LCP1: variants seen among roughly 807,000 people sequenced by gnomAD.
LCP1 encodes plastin-2.
LCP1 carries 23 observed loss-of-function variants against 72.0 expected under a neutral mutation model. That is an observed-to-expected ratio of 0.32 (90% CI 0.23 to 0.45). The LOEUF (loss-of-function observed/expected upper bound fraction) is 0.45. LCP1 is among the 20% of genes least tolerant of loss of function. The pLI is 1.00. For synonymous variants in LCP1, 245 were observed against 275.4 expected, an observed-to-expected ratio of 0.89 and a Z score of 1.09; for missense variants, 571 against 748.3, an observed-to-expected ratio of 0.76 and a Z score of 2.76.
At chr13:46,176,596 G>C (rs1461733043) in intron 1 of LCP1, among the ~76,000 whole-genome samples, 1 of 152,132 alleles carries the variant, frequency 6.6e-6, no homozygotes, top group Non-Finnish European at 1.5e-5. Context: ...ATAAATTTTA[G>C]TGACTACTAC....
chr13:46,173,016 T>A (rs2045912043), intron 1 of LCP1, among the ~76,000 whole-genome samples: 1 of 152,182 alleles, frequency 6.6e-6, no homozygotes, highest in Non-Finnish European at 1.5e-5. Flanking sequence ...GAACCTAAAG[T>A]TTTATTTAAA....
At chr13:46,153,935 G>T (rs2045785130) in intron 6 of LCP1, among the ~76,000 whole-genome samples, 1 of 152,114 alleles carries the variant, frequency 6.6e-6, no homozygotes. Flanking sequence ...GACTCTGTAT[G>T]TACTATTCTT....
chr13:46,176,207 T>G (rs2045929552), intron 1 of LCP1, among the ~76,000 whole-genome samples: 1 of 152,190 alleles, frequency 6.6e-6, no homozygotes, highest in Admixed American at 6.5e-5. Flanking sequence ...GGCGATTGAA[T>G]GTTTCCAGCA....
chr13:46,127,841 G>T, intron 15 of LCP1, 118 bp from the exon 16 acceptor site: 1 of 1,188,282 alleles, frequency 8.4e-7, no homozygotes, highest in Non-Finnish European at 1.2e-6. Context: ...TCCTGCAGTG[G>T]CTGGAGTCAG....
Position 46,130,935 on chromosome 13 carries a change from G to A in LCP1, c.1630C>T (p.Pro544Ser), listed in dbSNP as rs17067725. 5 of 1,597,358 alleles carry A rather than the reference G, an allele frequency of 3.1e-6. No homozygotes were observed. Among genetic ancestry groups the A allele is most frequent in the African/African-American group, 1.4e-5 (1 of 73,840 alleles). ...KSSSISSFKD[P>S]KISTSLPVLD... Reference sequence around the variant, plus strand: ...ACAGGCAGACTTGTACTAATCTTCGGGTCCTATGCAGAGACACAGGGAGGG... The same window carrying A: ...ACAGGCAGACTTGTACTAATCTTCGAGTCCTATGCAGAGACACAGGGAGGG... The change falls in exon 15 of 16, where the codon CCG becomes TCG. Residue 544 changes from proline (P) to serine (S), a missense_variant. By Grantham distance (74) the Pro-to-Ser change is moderately conservative. Coordinates refer to ENST00000323076, the MANE Select transcript of LCP1 (RefSeq NM_002298.5).
At chr13:46,148,625 C>T (rs762948769) in intron 8 of LCP1, among the ~76,000 whole-genome samples, 178 bp from the exon 9 acceptor site, 2 of 152,118 alleles carry the variant, frequency 1.3e-5, no homozygotes, top group Non-Finnish European at 2.9e-5. Context: ...CTTTACATAT[C>T]ACATTTGCTT....
chr13:46,170,374 G>A (rs368903985), intron 1 of LCP1, among the ~76,000 whole-genome samples: 45 of 152,340 alleles, frequency 3.0e-4, no homozygotes, highest in African/African-American at 1.0e-3. Context: ...CCGCAAAAGC[G>A]ATTCTGTCTG....
intron 14 of LCP1, 145 bp downstream of exon 14, chr13:46,133,982 A>C (rs1039992812): frequency 1.6e-6 from 1 of 634,592 alleles, no homozygotes; most frequent in African/African-American, 1.8e-5. Flanking sequence ...TGAACATCAA[A>C]ACAATAACGA....
chr13:46,180,946 T>C (rs2045953034), intron 1 of LCP1, among the ~76,000 whole-genome samples: 1 of 152,242 alleles, frequency 6.6e-6, no homozygotes, highest in African/African-American at 2.4e-5. Flanking sequence ...GTAACATTGG[T>C]GGTCACATTT....
At chr13:46,167,262 C>T (rs2045881593) in intron 1 of LCP1, among the ~76,000 whole-genome samples, 1 of 152,204 alleles carries the variant, frequency 6.6e-6, no homozygotes, top group African/African-American at 2.4e-5. Flanking sequence ...TCATCAACCT[C>T]ATATTGCTCT....
At chr13:46,139,870 A>G (rs1168541132) in intron 13 of LCP1, among the ~76,000 whole-genome samples, 1 of 152,218 alleles carries the variant, frequency 6.6e-6, no homozygotes, top group Admixed American at 6.5e-5. Flanking sequence ...GTATGAAAGG[A>G]ACTTCTGTTT....
chr13:46,154,833 T>C lies in LCP1; in HGVS notation c.545A>G (p.Lys182Arg), dbSNP rs1179499242. The C allele has an allele frequency of 1.7e-5, 27 of 1,614,026 alleles. No individual in the cohort carries two copies. Among genetic ancestry groups the C allele is most frequent in the Non-Finnish European group, 2.3e-5 (27 of 1,179,960 alleles). ...AATGGTGAAAGGGGTTAGCTTCTTT[T>C]TGTTGATTGTTCTTTCATCAATTGT... ...PDTIDERTIN[K>R]KKLTPFTIQE... is the part of the protein sequence containing the mutation. The change falls in exon 6 of 16, where the codon AAA becomes AGA. Residue 182 changes from lysine to arginine, a missense_variant. By Grantham distance (26) the Lys-to-Arg change is conservative (BLOSUM62 2). Coordinates refer to ENST00000323076, the MANE Select transcript of LCP1 (RefSeq NM_002298.5).
At position 46,152,855 on chromosome 13, in the gene LCP1, A is replaced by G. The variant is rs2045777157; in HGVS notation, c.664T>C (p.Tyr222His). The stretch of plus-strand genomic sequence containing the variant: ...TGCCACAGAAGTCCCAGGACCAGAT[A>G]AGGCTTCCCCTCCTTCAGGTCCTCA... The part of the protein sequence containing the change: ...GAEDLKEGKP[Y>H]LVLGLLWQVI... Residue 222 changes from tyrosine (Y) to histidine (H), a missense_variant, in exon 7 of 16, where the codon TAT becomes CAT. Physicochemically the swap from Tyr to His is moderately conservative, Grantham distance 83. Coordinates refer to ENST00000323076, the MANE Select transcript of LCP1 (RefSeq NM_002298.5). The G allele has an allele frequency of 6.2e-7, 1 of 1,614,040 alleles. No homozygotes were observed. The highest frequency in any genetic ancestry group is 1.3e-5 in the African/African-American group (1 of 74,928).
intron 3 of LCP1, 46 bp from the exon 4 acceptor site, chr13:46,158,697 A>G: frequency 6.2e-7 from 1 of 1,612,212 alleles, no homozygotes; most frequent in Admixed American, 1.7e-5. Context: ...AGTGATCAAG[A>G]AAATCACAAA....
At chr13:46,137,918 G>A (rs2045674405) in intron 13 of LCP1, among the ~76,000 whole-genome samples, 1 of 152,166 alleles carries the variant, frequency 6.6e-6, no homozygotes, top group Non-Finnish European at 1.5e-5. Context: ...TCCAACACTT[G>A]TTTTACTTAT....
intron 1 of LCP1, among the ~76,000 whole-genome samples, chr13:46,181,785 A>G (rs1168890837): frequency 6.6e-6 from 1 of 152,378 alleles, no homozygotes; most frequent in Non-Finnish European, 1.5e-5. Flanking sequence ...CACAGTAAAT[A>G]GCCTCCGTGA....
chr13:46,174,348 A>G (rs537636503), intron 1 of LCP1, among the ~76,000 whole-genome samples: 2 of 152,316 alleles, frequency 1.3e-5, no homozygotes, highest in African/African-American at 2.4e-5. Flanking sequence ...ATTTACCAAT[A>G]CCAACGTACA....
Position 46,127,709 on chromosome 13 carries a change from A to G in LCP1, c.1766T>C (p.Met589Thr), listed in dbSNP as rs776449806. Residue 589 changes from methionine to threonine, a missense_variant, in exon 16 of 16, where the codon ATG becomes ACG. Coordinates refer to ENST00000323076, the MANE Select transcript of LCP1 (RefSeq NM_002298.5). The part of the protein sequence containing the change: ...KLNNAKYAIS[M>T]ARKIGARVYA... ...CACTCTTGCTCCAATTTTTCGGGCCATAGAGATGGCATATCTAAAAGGGAG... is the reference window on the plus strand; with the variant it reads ...CACTCTTGCTCCAATTTTTCGGGCCGTAGAGATGGCATATCTAAAAGGGAG... 2 of 1,614,196 alleles carry G rather than the reference A, an allele frequency of 1.2e-6. No individual in the cohort carries two copies. Among genetic ancestry groups the G allele is most frequent in the East Asian group, 2.2e-5 (1 of 44,882 alleles).
At chr13:46,180,375 T>G (rs937578840) in intron 1 of LCP1, among the ~76,000 whole-genome samples, 1 of 152,254 alleles carries the variant, frequency 6.6e-6, no homozygotes, top group Non-Finnish European at 1.5e-5. Flanking sequence ...AATGAGACTT[T>G]ACTTGTTGGT....
Sources: gnomAD v4.1 joint callset for allele counts (sites outside exome capture counted in the v4.1 genomes callset) on GRCh38, gnomAD v4.1.1 for gene constraint, MANE v1.5 for transcripts, NCBI Gene and HGNC (gene_info 2026-07-23, HGNC 2026-07-21) for gene names.